MUC6: variants seen among roughly 807,000 people sequenced by gnomAD.
MUC6 encodes the protein mucin 6, oligomeric mucus/gel-forming (gene/pseudogene).
A neutral mutation model predicts 201.5 loss-of-function variants in MUC6; 188 were observed. The ratio of observed to expected loss-of-function variants is 0.93; its 90% CI spans 0.83 to 1.05. The LOEUF is 1.05. MUC6 is among the 50% of genes least tolerant of loss of function. The pLI is 0.00. For synonymous variants in MUC6, 1,228 were observed against 1,389.4 expected, an observed-to-expected ratio of 0.88 and a Z score of 2.58; for missense variants, 2,706 against 3,256.9, an observed-to-expected ratio of 0.83 and a Z score of 4.12.
chr11:1,028,597 A>C, intron 13 of MUC6, 49 bp downstream of exon 13: 1 of 1,589,630 alleles, frequency 6.3e-7, no homozygotes, highest in Non-Finnish European at 8.6e-7. Context: ...TCATGGCCAG[A>C]CCCTGTAGGG....
chr11:1,024,896 T>G lies in MUC6; in HGVS notation c.3173A>C (p.Glu1058Ala). 1 of 1,612,642 alleles carries G rather than the reference T, an allele frequency of 6.2e-7. No homozygotes were observed. The highest frequency in any genetic ancestry group is 2.2e-5 in the East Asian group (1 of 44,880). ...SLNAFRRSWAERKCSVINSQT... is the reference protein window; with the variant it reads ...SLNAFRRSWAARKCSVINSQT... ...GCTGTTGATGACGCTGCACTTGCGC[T>G]CGGCCCAGGAGCGCCGGAAGGCATT... The change falls in exon 24 of 33, where the codon GAG (glutamate) becomes GCG (alanine). Residue 1058 changes from glutamate (E) to alanine (A), a missense_variant. Physicochemically the swap from Glu to Ala is moderately radical, Grantham distance 107. Transcript: ENST00000421673.
rs770014987 is a variant in MUC6 at position 1,019,327 on chromosome 11, C to T, written c.3978G>A (p.Arg1326=). The change falls in exon 30 of 33, where the codon CGG becomes CGA. Residue 1326 remains arginine (R), a synonymous_variant. Transcript: ENST00000421673. ...CTGGGGTTGGTAGTGTCATTGTGGTCCGTGTTGTGGACTGAGCTGTGGACG... is the reference window on the plus strand; with the variant it reads ...CTGGGGTTGGTAGTGTCATTGTGGTTCGTGTTGTGGACTGAGCTGTGGACG... ...ATTSTAQSTT[R]TTMTLPTPAT... 7 of 1,613,938 alleles carry T rather than the reference C, an allele frequency of 4.3e-6. No homozygotes were observed. The highest frequency in any genetic ancestry group is 1.7e-5 in the Admixed American group (1 of 60,010).
At chr11:1,022,042 G>A (rs547564367) in intron 26 of MUC6, among the ~76,000 whole-genome samples, 4 of 105,006 alleles carry the variant, frequency 3.8e-5, no homozygotes, top group Non-Finnish European at 5.7e-5. Flanking sequence ...TCTGCAGCCC[G>A]GTGCCCCTCA....
chr11:1,013,486 G>A lies in MUC6; in HGVS notation c.7290C>T (p.Cys2430=), dbSNP rs747153316. ...LVLTLQVFSH[C]VCSSVACGD ...CTCCACAGGCCACAGAGCTGCACACGCAGTGGCTGAACACCTGCAGGGTGA... is the reference window on the plus strand; with the variant it reads ...CTCCACAGGCCACAGAGCTGCACACACAGTGGCTGAACACCTGCAGGGTGA... The change falls in exon 33 of 33, where the codon TGC becomes TGT. Residue 2430 remains cysteine (C), a synonymous_variant. Transcript: ENST00000421673. 15 of 1,585,450 alleles carry A rather than the reference G, an allele frequency of 9.5e-6. No individual in the cohort carries two copies. The East Asian group carries it at 2.3e-4, about 24-fold the overall frequency.
At position 1,032,004 on chromosome 11, in the gene MUC6, G is replaced by A. The variant is rs963206198; in HGVS notation, c.165C>T (p.Thr55=). Residue 55 remains threonine, a synonymous_variant, in exon 3 of 33, where the codon ACC becomes ACT. Coordinates refer to ENST00000421673, the MANE Select transcript of MUC6 (RefSeq NM_005961.3). The part of the protein sequence containing the change: ...CSTWGAGHFS[T]FDHHVYDFSG... ...AGAAGTCGTACACGTGGTGGTCGAAGGTGGAGAAGTGACCAGCCCCCCACG... is the reference window on the plus strand; with the variant it reads ...AGAAGTCGTACACGTGGTGGTCGAAAGTGGAGAAGTGACCAGCCCCCCACG... The A allele has an allele frequency of 4.3e-6, 7 of 1,613,444 alleles. No homozygotes were observed. The highest frequency in any genetic ancestry group is 3.3e-5 in the Admixed American group (2 of 60,002).
chr11:1,025,173 G>C lies in MUC6; in HGVS notation c.2985+9C>G, dbSNP rs757294080. ...GAGGGCCTGGGAGGAGGCAGAGGGC[G>C]TGCGGTACCTGGGAGGCACGGGCGA... On this transcript the variant is annotated intron_variant, in intron 23 of 32. Coordinates refer to ENST00000421673, the MANE Select transcript of MUC6 (RefSeq NM_005961.3). 2 of 1,610,616 alleles carry C rather than the reference G, an allele frequency of 1.2e-6. No individual in the cohort carries two copies. The highest frequency in any genetic ancestry group is 2.2e-5 in the East Asian group (1 of 44,794).
rs1856602114 is a variant in MUC6, at chr11:1,016,116, A to T, written c.6685T>A (p.Ser2229Thr). The T allele has an allele frequency of 1.9e-6, 3 of 1,613,438 alleles. No individual in the cohort carries two copies. Among genetic ancestry groups the T allele is most frequent in the Non-Finnish European group, 2.5e-6 (3 of 1,179,696 alleles). ...PFTLSALLPI[S>T]TVTVSPTPSS... ...GGGGTGGGAGACACGGTAACAGTGG[A>T]TATGGGGAGTAGAGCAGAGAGGGTG... The change falls in exon 31 of 33, where the codon TCC (serine) becomes ACC (threonine). Residue 2229 changes from serine (S) to threonine (T), a missense_variant. This residue lies in a region of MUC6 where 586 missense variants were observed against 488.0 expected (regional missense o/e 1.20). Coordinates refer to ENST00000421673, the MANE Select transcript of MUC6 (RefSeq NM_005961.3).
rs979261201 is a variant in MUC6 at position 1,033,247 on chromosome 11, C to T, written c.53-172G>A. On this transcript the variant is annotated intron_variant, in intron 1 of 32. Coordinates refer to ENST00000421673, the MANE Select transcript of MUC6 (RefSeq NM_005961.3). This position sits in a 1 kb window ranked among gnomAD's most constrained non-coding sequence, Gnocchi z 5.6. ...AACAGCAAGCCAAGCGCTTGGCCTC[C>T]CATGCTGTCCTTCACGAGCCCCAGC... 7 of 618,610 alleles carry T rather than the reference C, an allele frequency of 1.1e-5. No homozygotes were observed. The highest frequency in any genetic ancestry group is 3.9e-4 in the Middle Eastern group (1 of 2,558). 38.3% of individuals were successfully genotyped at this position (618,610 alleles called of 1,614,324 possible).
At chr11:1,030,534 C>T (rs902680692) in intron 7 of MUC6, 39 bp downstream of exon 7, 29 of 1,466,482 alleles carry the variant, frequency 2.0e-5, no homozygotes, top group Admixed American at 1.1e-4. Context: ...CTGGAGCCCT[C>T]GGCCTTCCTG....
intron 29 of MUC6, 141 bp downstream of exon 29, chr11:1,019,949 A>G (rs1187021532): frequency 8.6e-7 from 1 of 1,168,998 alleles, no homozygotes; most frequent in South Asian, 1.3e-5. Context: ...TTGGCTCCCA[A>G]GCATAGGAAG....
chr11:1,026,968 G>T lies in MUC6; in HGVS notation c.2367C>A (p.Cys789Ter). 1 of 1,596,500 alleles carries T rather than the reference G, an allele frequency of 6.3e-7. No homozygotes were observed. Among genetic ancestry groups the T allele is most frequent in the South Asian group, 1.1e-5 (1 of 88,350 alleles). Reference protein sequence around the residue: ...NKFGAACAPTCQMLATGVACV... With the variant: ...NKFGAACAPT Reference sequence around the variant, plus strand: ...AGGCAACACCGGTGGCCAGCATCTGGCATGTGGGGGCACAGGCTGCCCCAA... The same window carrying T: ...AGGCAACACCGGTGGCCAGCATCTGTCATGTGGGGGCACAGGCTGCCCCAA... The change falls in exon 19 of 33, where the codon TGC (cysteine) becomes TGA (stop). Residue 789 changes from cysteine (C) to a stop codon, truncating the protein, a stop_gained. Coordinates refer to ENST00000421673, the MANE Select transcript of MUC6 (RefSeq NM_005961.3). LOFTEE classifies it high-confidence loss of function.
At position 1,031,271 on chromosome 11, in the gene MUC6, G is replaced by A. The variant is rs764894523; in HGVS notation, c.484-12C>T. The A allele has an allele frequency of 7.7e-6, 12 of 1,555,902 alleles. No individual in the cohort carries two copies. Among genetic ancestry groups the A allele is most frequent in the Admixed American group, 1.9e-5 (1 of 52,274 alleles). ...CGCTCCACCAGAACCTGCGGGAGAC[G>A]GCTCTGCTGGGGGCCCGGGGGCCAG... On this transcript the variant is annotated splice_polypyrimidine_tract_variant and intron_variant, in intron 4 of 32. Coordinates refer to ENST00000421673, the MANE Select transcript of MUC6 (RefSeq NM_005961.3).
chr11:1,023,597 C>G lies in MUC6; in HGVS notation c.3438G>C (p.Gln1146His), dbSNP rs376687164. The stretch of plus-strand genomic sequence containing the variant: ...ACGTGCAGTTGGCCTCCTGTGTGTA[C>G]TGGTACTCGCCATGGCCGTCCTGCG... The part of the protein sequence containing the change: ...THTQDGHGEY[Q>H]YTQEANCTWH... The change falls in exon 26 of 33, where the codon CAG (glutamine) becomes CAC (histidine). Residue 1146 changes from glutamine to histidine, a missense_variant. Around this residue, in one of 10 missense-constraint regions of MUC6, gnomAD observed 1,850 missense variants for 1,958.3 expected, o/e 0.94. Transcript: ENST00000421673. 1.2e-6 allele frequency: 2 copies of G among 1,613,162 alleles called. No homozygotes were observed. The highest frequency in any genetic ancestry group is 8.5e-7 in the Non-Finnish European group (1 of 1,179,820).
chr11:1,030,174 G>T, intron 8 of MUC6, 39 bp downstream of exon 8: 1 of 1,537,218 alleles, frequency 6.5e-7, no homozygotes. Flanking sequence ...GTTCTCTCTA[G>T]GGGTCCCGGG....
rs1856961211 is a variant in MUC6 at position 1,026,412 on chromosome 11, A to G, written c.2461T>C (p.Cys821Arg). The change falls in exon 20 of 33, where the codon TGT (cysteine) becomes CGT (arginine). Residue 821 changes from cysteine (C) to arginine (R), a missense_variant. Physicochemically the swap from Cys to Arg is radical, Grantham distance 180. Coordinates refer to ENST00000421673, the MANE Select transcript of MUC6 (RefSeq NM_005961.3). The part of the protein sequence containing the change: ...EGLYENADGQ[C>R]VPPEECPCEF... ...CATGGGCACTCCTCGGGGGGCACAC[A>G]CTGCCCGTCGGCATTCTCGTAGAGG... 2 of 1,608,658 alleles carry G rather than the reference A, an allele frequency of 1.2e-6. No homozygotes were observed. Among genetic ancestry groups the G allele is most frequent in the Non-Finnish European group, 1.7e-6 (2 of 1,178,406 alleles).
In MUC6 at chr11:1,027,265, C is replaced by G. The variant is rs1339431976; in HGVS notation, c.2231+3G>C. 6 of 1,612,260 alleles carry G rather than the reference C, an allele frequency of 3.7e-6. No homozygotes were observed. Among genetic ancestry groups the G allele is most frequent in the Middle Eastern group, 1.6e-4 (1 of 6,084 alleles). On this transcript the variant is annotated splice_donor_region_variant and intron_variant, in intron 17 of 32. Coordinates refer to ENST00000421673, the MANE Select transcript of MUC6 (RefSeq NM_005961.3). ...CCCGCCTGGCCCCTGCCCGGTCCCT[C>G]ACCAGGTGATGCCGTTGATGACAGT...
At position 1,025,035 on chromosome 11, in the gene MUC6, C is replaced by T. The variant is rs762847721; in HGVS notation, c.3034G>A (p.Asp1012Asn). ...CGNFNGNMKD[D>N]FETRSRYVAS... ...ACGTACCTGCTGCGCGTCTCGAAGTCGTCCTTCATGTTCCCGTTGAAGTTG... is the reference window on the plus strand; with the variant it reads ...ACGTACCTGCTGCGCGTCTCGAAGTTGTCCTTCATGTTCCCGTTGAAGTTG... Residue 1012 changes from aspartate (D) to asparagine (N), a missense_variant, in exon 24 of 33, where the codon GAC (aspartate) becomes AAC (asparagine). Asp to Asn is a conservative substitution (Grantham distance 23). Transcript: ENST00000421673. 8 of 1,612,864 alleles carry T rather than the reference C, an allele frequency of 5.0e-6. No individual in the cohort carries two copies. Among genetic ancestry groups the T allele is most frequent in the African/African-American group, 1.3e-5 (1 of 74,946 alleles).
At chr11:1,034,229 G>A (rs1161430812) in intron 1 of MUC6, among the ~76,000 whole-genome samples, 2 of 152,048 alleles carry the variant, frequency 1.3e-5, no homozygotes, top group Non-Finnish European at 2.9e-5. Flanking sequence ...TAAGAAGAAT[G>A]CCAACCTTGG....
At position 1,026,364 on chromosome 11, in the gene MUC6, G is replaced by A; in HGVS notation, c.2509C>T (p.Pro837Ser). Residue 837 changes from proline (P) to serine (S), a missense_variant, in exon 20 of 33, where the codon CCT becomes TCT. Around this residue, in one of 10 missense-constraint regions of MUC6, gnomAD observed 1,850 missense variants for 1,958.3 expected, o/e 0.94. Transcript: ENST00000421673. ...TCAGTGTGGAGCTCAGCTCCTCCAGGGTAGGAGACCCCCGAGAACTCACAT... is the reference window on the plus strand; with the variant it reads ...TCAGTGTGGAGCTCAGCTCCTCCAGAGTAGGAGACCCCCGAGAACTCACAT... ...CPCEFSGVSY[P>S]GGAELHTDCR... The A allele has an allele frequency of 7.5e-6, 12 of 1,601,124 alleles. No individual in the cohort carries two copies. The highest frequency in any genetic ancestry group is 1.1e-5 in the South Asian group (1 of 90,290).
Sources: gnomAD v4.1 joint callset for allele counts (sites outside exome capture counted in the v4.1 genomes callset) on GRCh38, gnomAD v4.1.1 for gene constraint, gnomAD v4.1.1 regional missense constraint, Gnocchi (gnomAD v3.1) non-coding constraint, MANE v1.5 for transcripts, NCBI Gene and HGNC (gene_info 2026-07-23, HGNC 2026-07-21) for gene names.